ADAM23: variants seen among roughly 807,000 people sequenced by gnomAD.
ADAM23 encodes the protein ADAM metallopeptidase domain 23.
Under a neutral mutation model 120.1 loss-of-function variants are expected in ADAM23, and 33 were observed. That is an observed-to-expected ratio of 0.27 (90% CI 0.21 to 0.37). The LOEUF (loss-of-function observed/expected upper bound fraction) is 0.37. ADAM23 is among the 10% of genes least tolerant of loss of function. ADAM23 has a pLI of 1.00. For synonymous variants in ADAM23, 367 were observed against 375.2 expected (o/e 0.98, Z 0.25); for missense variants, 862 against 1,058.2 (o/e 0.81, Z 2.57).
chr2:206,524,712 C>T (rs1696910113), intron 3 of ADAM23, among the ~76,000 whole-genome samples: 1 of 152,130 alleles, frequency 6.6e-6, no homozygotes, highest in African/African-American at 2.4e-5. Flanking sequence ...TTACTCACTA[C>T]CATGAGAACA....
chr2:206,522,770 C>G (rs1272339840), intron 3 of ADAM23, among the ~76,000 whole-genome samples: 1 of 150,664 alleles, frequency 6.6e-6, no homozygotes, highest in African/African-American at 2.4e-5. Context: ...GAAGATAGGC[C>G]TTTTTTATTT....
intron 2 of ADAM23, among the ~76,000 whole-genome samples, chr2:206,479,924 A>C (rs1442993387): frequency 1.3e-5 from 2 of 152,178 alleles, no homozygotes; most frequent in African/African-American, 4.8e-5. Flanking sequence ...CTGAAAGTAT[A>C]AGTCATGGTT....
intron 11 of ADAM23, among the ~76,000 whole-genome samples, chr2:206,560,487 A>G (rs1697741659): frequency 6.6e-6 from 1 of 152,150 alleles, no homozygotes; most frequent in Admixed American, 6.5e-5. Context: ...AAGCTTGCAC[A>G]TGTATGTTTC....
At chr2:206,487,702 G>A (rs1398417599) in intron 3 of ADAM23, among the ~76,000 whole-genome samples, 2 of 152,248 alleles carry the variant, frequency 1.3e-5, no homozygotes, top group Admixed American at 6.5e-5. Flanking sequence ...GCCCCTGCCC[G>A]ATGCAGAGAG....
At chr2:206,508,738 A>G (rs1696556991) in intron 3 of ADAM23, among the ~76,000 whole-genome samples, 1 of 152,120 alleles carries the variant, frequency 6.6e-6, no homozygotes, top group Non-Finnish European at 1.5e-5. Context: ...ATATCACCTA[A>G]TGAAGCTAAA....
chr2:206,536,661 A>G (rs1697182764), intron 4 of ADAM23, among the ~76,000 whole-genome samples: 1 of 152,190 alleles, frequency 6.6e-6, no homozygotes, highest in African/African-American at 2.4e-5. Flanking sequence ...CTATAGTAAT[A>G]ATTTCACTAT....
At chr2:206,534,611 A>G (rs1190169863) in intron 4 of ADAM23, among the ~76,000 whole-genome samples, 1 of 152,054 alleles carries the variant, frequency 6.6e-6, no homozygotes, top group Non-Finnish European at 1.5e-5. Flanking sequence ...CAGTTCTTAT[A>G]AAATAATAAG....
chr2:206,562,180 A>G (rs564628988), intron 12 of ADAM23, 23 bp from the exon 13 acceptor site: 112 of 1,601,442 alleles, frequency 7.0e-5, no homozygotes, highest in African/African-American at 1.3e-4. Flanking sequence ...TGTCTCCCAC[A>G]CACTTTCAAC....
At chr2:206,521,466 G>C (rs1278607309) in intron 3 of ADAM23, among the ~76,000 whole-genome samples, 1 of 151,942 alleles carries the variant, frequency 6.6e-6, no homozygotes, top group Non-Finnish European at 1.5e-5. Context: ...TTGTATTGTG[G>C]TTTCGTCTTA....
chr2:206,482,875 G>A (rs551468883), intron 3 of ADAM23, among the ~76,000 whole-genome samples: 1 of 152,310 alleles, frequency 6.6e-6, no homozygotes, highest in South Asian at 2.1e-4. Flanking sequence ...TGTGTTCTAG[G>A]CATGTGAGAT....
At chr2:206,489,493 C>T (rs1414600088) in intron 3 of ADAM23, among the ~76,000 whole-genome samples, 7 of 152,086 alleles carry the variant, frequency 4.6e-5, no homozygotes, top group South Asian at 2.1e-4. Context: ...TCAGGAGTCT[C>T]GGGGTTTATG....
chr2:206,584,563 G>A (rs72956634), intron 18 of ADAM23, among the ~76,000 whole-genome samples: 10,707 of 152,158 alleles, frequency 0.07, 455 homozygotes, highest in Admixed American at 0.14. Context: ...CTCCTAGGTA[G>A]AGACCTGGGA....
At chr2:206,447,784 C>T (rs773753129) in intron 2 of ADAM23, among the ~76,000 whole-genome samples, 1 of 152,088 alleles carries the variant, frequency 6.6e-6, no homozygotes, top group Non-Finnish European at 1.5e-5. Flanking sequence ...TTTCATTGCA[C>T]TGAAGCACAT....
intron 9 of ADAM23, among the ~76,000 whole-genome samples, chr2:206,553,914 A>C (rs906343691): frequency 2.6e-5 from 4 of 152,198 alleles, no homozygotes; most frequent in Non-Finnish European, 4.4e-5. Flanking sequence ...TCGGGTTGAA[A>C]AACCAAATTC....
In ADAM23 at chr2:206,580,361, G is replaced by A. The variant is rs564019285; in HGVS notation, c.1738-6964G>A. Among the ~76,000 whole-genome samples, 4 of 152,302 alleles carry A rather than the reference G, an allele frequency of 2.6e-5. No individual in the cohort carries two copies. In the East Asian group the frequency reaches 7.7e-4, roughly 29 times the overall value. ...TTATGCTGGCTGTGGGTTTGTCACA[G>A]ATGGCTTTTATTACATTGAGGTATG... On this transcript the variant is annotated intron_variant, in intron 18 of 25. Transcript: ENST00000264377.
At chr2:206,557,196 T>C (rs1235332071) in intron 9 of ADAM23, among the ~76,000 whole-genome samples, 1 of 152,094 alleles carries the variant, frequency 6.6e-6, no homozygotes, top group Non-Finnish European at 1.5e-5. Context: ...TGCCAAAGTG[T>C]TGGGATTACA....
intron 18 of ADAM23, among the ~76,000 whole-genome samples, chr2:206,575,852 A>G (rs974001239): frequency 1.3e-5 from 2 of 152,176 alleles, no homozygotes; most frequent in Non-Finnish European, 2.9e-5. Context: ...CAAGCTTATC[A>G]TTGGTCAGTC....
At chr2:206,573,424 T>A (rs1698044578) in intron 18 of ADAM23, among the ~76,000 whole-genome samples, 1 of 152,188 alleles carries the variant, frequency 6.6e-6, no homozygotes, top group South Asian at 2.1e-4. Context: ...TTATGTAATA[T>A]TTTAAGTAAT....
intron 11 of ADAM23, among the ~76,000 whole-genome samples, chr2:206,560,530 TG>T (rs1697742527): frequency 6.6e-6 from 1 of 152,198 alleles, no homozygotes; most frequent in East Asian, 1.9e-4. Flanking sequence ...GTTAGTCACA[TG>T]GGCCACACCT....
Sources: allele counts gnomAD v4.1 joint callset (sites outside exome capture counted in the v4.1 genomes callset), GRCh38; gene constraint gnomAD v4.1.1; transcripts MANE v1.5; gene names NCBI Gene and HGNC (gene_info 2026-07-23, HGNC 2026-07-21).